Variants in CUX1 observed in about 807,000 individuals in gnomAD.
CUX1 encodes the protein protein CASP.
CUX1 carries 31 observed loss-of-function variants against 158.8 expected under a neutral mutation model. The observed-to-expected ratio is 0.20, with a 90% CI of 0.15 to 0.26. The LOEUF (loss-of-function observed/expected upper bound fraction) is 0.26, where lower values mean the gene tolerates loss of function less well. Among genes scored for constraint, CUX1 ranks in the 10% least tolerant of loss-of-function variants. CUX1 has a pLI of 1.00. For synonymous variants in CUX1, 879 were observed against 862.1 expected (o/e 1.02, Z -0.34); for missense variants, 1,589 against 2,014.6 (o/e 0.79, Z 4.04).
intron 3 of CUX1, among the ~76,000 whole-genome samples, chr7:102,068,745 G>A (rs1402482366): frequency 6.6e-6 from 1 of 152,236 alleles, no homozygotes; most frequent in African/African-American, 2.4e-5. Flanking sequence ...GGGGACAGAC[G>A]GAATATATAA....
At chr7:102,145,495 C>A (rs1261896524) in intron 8 of CUX1, among the ~76,000 whole-genome samples, 1 of 151,958 alleles carries the variant, frequency 6.6e-6, no homozygotes, top group Non-Finnish European at 1.5e-5. Context: ...GATACACAAT[C>A]ATAATGAATC....
intron 2 of CUX1, among the ~76,000 whole-genome samples, chr7:101,939,061 ATATAT>A (rs1807339810): frequency 1.5e-3 from 1 of 676 alleles, no homozygotes; most frequent in African/African-American, 3.9e-3. Context: ...AAAAATACAT[ATATAT>A]ATATATATAT....
At chr7:102,039,760 A>G (rs1166831857) in intron 3 of CUX1, among the ~76,000 whole-genome samples, 1 of 151,944 alleles carries the variant, frequency 6.6e-6, no homozygotes, top group Non-Finnish European at 1.5e-5. Context: ...CTCCTAGACA[A>G]ATTCTGGAGC....
chr7:102,158,327 C>A (rs1035535717), intron 8 of CUX1, among the ~76,000 whole-genome samples: 35 of 152,042 alleles, frequency 2.3e-4, no homozygotes, highest in African/African-American at 8.0e-4. Context: ...AGATTGGGAC[C>A]CCATCAAAGG....
At chr7:102,129,505 A>G (rs1267788340) in intron 8 of CUX1, among the ~76,000 whole-genome samples, 5 of 151,960 alleles carry the variant, frequency 3.3e-5, no homozygotes, top group Admixed American at 2.6e-4. Context: ...CCAACATGGT[A>G]AAACCCTGTC....
At chr7:101,901,631 C>A (rs1045117181) in intron 1 of CUX1, among the ~76,000 whole-genome samples, 1 of 152,208 alleles carries the variant, frequency 6.6e-6, no homozygotes, top group Non-Finnish European at 1.5e-5. Context: ...TATAAGCAGC[C>A]AGTGGCCCAC....
intron 12 of CUX1, among the ~76,000 whole-genome samples, chr7:102,190,239 T>C (rs1794130146): frequency 6.6e-6 from 1 of 152,182 alleles, no homozygotes; most frequent in Non-Finnish European, 1.5e-5. Flanking sequence ...GGGTTGAAGG[T>C]GGGCATATGG....
chr7:101,982,429 T>C (rs1813556514), intron 2 of CUX1, among the ~76,000 whole-genome samples: 1 of 152,056 alleles, frequency 6.6e-6, no homozygotes, highest in Admixed American at 6.5e-5. Flanking sequence ...TTTTTTTCTT[T>C]TTTTCTTTTT....
At chr7:102,050,083 C>T (rs1401911138) in intron 3 of CUX1, among the ~76,000 whole-genome samples, 1 of 152,166 alleles carries the variant, frequency 6.6e-6, no homozygotes, top group African/African-American at 2.4e-5. Context: ...ACACCGTCTC[C>T]TGAATTTTCT....
intron 2 of CUX1, chr7:101,959,252 T>C (rs940464280): frequency 6.7e-6 from 1 of 148,242 alleles, no homozygotes; most frequent in African/African-American, 2.4e-5. Context: ...TGTGTGTGTG[T>C]GTGTGTGTGT....
intron 22 of CUX1, among the ~76,000 whole-genome samples, chr7:102,238,968 C>T (rs1399411550): frequency 6.6e-6 from 1 of 152,244 alleles, no homozygotes; most frequent in Non-Finnish European, 1.5e-5. Context: ...CATCTCACTG[C>T]AACCTCCACC....
chr7:102,174,677 G>A (rs1280296397), intron 10 of CUX1, among the ~76,000 whole-genome samples: 1 of 152,212 alleles, frequency 6.6e-6, no homozygotes, highest in Non-Finnish European at 1.5e-5. Flanking sequence ...CAGGCGCAGT[G>A]GCTCACACCC....
intron 1 of CUX1, among the ~76,000 whole-genome samples, chr7:101,851,933 A>G (rs960135263): frequency 8.0e-5 from 12 of 150,344 alleles, no homozygotes; most frequent in African/African-American, 2.9e-4. Flanking sequence ...GGCTCAAGGG[A>G]TCCTCCTGCC....
intron 15 of CUX1, among the ~76,000 whole-genome samples, chr7:102,198,514 T>G (rs1431541574): frequency 6.6e-6 from 1 of 152,208 alleles, no homozygotes; most frequent in Non-Finnish European, 1.5e-5. Context: ...GGCTGGCGGG[T>G]GATCCTCCTT....
At chr7:102,057,585 G>T (rs1400751446) in intron 3 of CUX1, among the ~76,000 whole-genome samples, 1 of 152,148 alleles carries the variant, frequency 6.6e-6, no homozygotes, top group Non-Finnish European at 1.5e-5. Context: ...GGGGTTCAAG[G>T]CTTCAGTGGA....
chr7:101,961,176 G>C (rs183588647), intron 2 of CUX1: 3 of 152,294 alleles, frequency 2.0e-5, no homozygotes, highest in East Asian at 1.9e-4. Flanking sequence ...CCTGGATATA[G>C]ATTTGGGAGC....
Position 102,251,517 on chromosome 7 carries a change from TGTTCGTTTGTC to T in CUX1, c.*2476_*2486del, listed in dbSNP as rs1801499386. ...GGCTCTAGGGGGCTGGGAGGCAGGC[TGTTCGTTTGTC>T]TTTTGTTGGGGGTATCATTTCTGAA... On this transcript the variant is annotated 3_prime_UTR_variant, in exon 24 of 24. Coordinates refer to ENST00000292535, the MANE Select transcript of CUX1 (RefSeq NM_181552.4). The T allele has an allele frequency of 1.0e-6, 1 of 985,338 alleles. No homozygotes were observed. The highest frequency in any genetic ancestry group is 1.7e-5 in the African/African-American group (1 of 57,234). 61.0% of individuals were successfully genotyped at this position (985,338 alleles called of 1,614,324 possible).
At chr7:101,816,870 G>T (rs1047045749), upstream of CUX1, 235 of 971,916 alleles carry the variant, frequency 2.4e-4, no homozygotes, top group African/African-American at 3.8e-3. Flanking sequence ...GCTGTCACCG[G>T]CCCGGGCCGC....
At chr7:102,117,419 A>AAAAAAAAG (rs1831544382) in intron 8 of CUX1, among the ~76,000 whole-genome samples, 1 of 149,914 alleles carries the variant, frequency 6.7e-6, no homozygotes, top group African/African-American at 2.4e-5. Context: ...AAAAAAAAAA[A>AAAAAAAAG]GGTCAATATT....
Sources: allele counts gnomAD v4.1 joint callset (sites outside exome capture counted in the v4.1 genomes callset), GRCh38; gene constraint gnomAD v4.1.1; transcripts MANE v1.5; gene names NCBI Gene and HGNC (gene_info 2026-07-23, HGNC 2026-07-21).